Variants in ANXA5 observed in about 807,000 individuals in gnomAD.
ANXA5 encodes annexin A5, also known as CBP-I.
ANXA5 carries 40 observed loss-of-function variants against 48.1 expected under a neutral mutation model. The ratio of observed to expected loss-of-function variants is 0.83; its 90% confidence interval spans 0.65 to 1.08. ANXA5 has a LOEUF of 1.08. ANXA5 is among the 50% of genes least tolerant of loss of function. The probability of loss-of-function intolerance (pLI) is 0.00; values close to 1 mark genes in which losing one functional copy is unlikely to be tolerated. For missense variants in ANXA5, 357 were observed against 376.8 expected (o/e 0.95, Z 0.44); for synonymous variants, 113 against 129.1 (o/e 0.88, Z 0.85).
intron 3 of ANXA5, among the ~76,000 whole-genome samples, chr4:121,685,061 C>CATAT: frequency 6.8e-6 from 1 of 147,060 alleles, no homozygotes; most frequent in African/African-American, 2.5e-5. Context: ...TACACACACA[C>CATAT]ATATATATAT....
At chr4:121,680,098 CTA>C (rs1300828771) in intron 6 of ANXA5, among the ~76,000 whole-genome samples, 1 of 152,134 alleles carries the variant, frequency 6.6e-6, no homozygotes, top group Non-Finnish European at 1.5e-5. Context: ...CTATCTGTTT[CTA>C]TGAGTTCAAT....
chr4:121,687,451 C>G (rs17384348), intron 2 of ANXA5, among the ~76,000 whole-genome samples: 5,709 of 152,242 alleles, frequency 0.037, 163 homozygotes, highest in South Asian at 0.12. Flanking sequence ...CCTCAAAACT[C>G]CTGCTTAGGT....
At chr4:121,675,808 C>T (rs1724686944) in intron 8 of ANXA5, among the ~76,000 whole-genome samples, 1 of 152,200 alleles carries the variant, frequency 6.6e-6, no homozygotes, top group African/African-American at 2.4e-5. Context: ...TCAGAATCTG[C>T]AATTAAAGGT....
chr4:121,670,500 T>A (rs1435383560), intron 10 of ANXA5, among the ~76,000 whole-genome samples: 2 of 152,154 alleles, frequency 1.3e-5, no homozygotes, highest in Non-Finnish European at 2.9e-5. Context: ...CAGAGCAGCA[T>A]GAGATTTATC....
At chr4:121,672,495 A>T in intron 9 of ANXA5, 38 bp downstream of exon 9, 1 of 1,466,612 alleles carries the variant, frequency 6.8e-7, no homozygotes, top group Non-Finnish European at 9.5e-7. Context: ...TTCCAAATTT[A>T]CCAATGTATC....
intron 2 of ANXA5, among the ~76,000 whole-genome samples, chr4:121,689,033 C>T (rs1724938303): frequency 6.6e-6 from 1 of 152,158 alleles, no homozygotes; most frequent in Non-Finnish European, 1.5e-5. Flanking sequence ...CCCTGCCATT[C>T]ATTCGATACC....
chr4:121,670,807 A>G (rs1457408965), intron 10 of ANXA5, among the ~76,000 whole-genome samples: 1 of 152,190 alleles, frequency 6.6e-6, no homozygotes, highest in African/African-American at 2.4e-5. Flanking sequence ...TTAACTGTGT[A>G]CTCAAGTGAA....
intron 2 of ANXA5, among the ~76,000 whole-genome samples, chr4:121,687,124 G>A (rs900666581): frequency 6.6e-6 from 1 of 151,896 alleles, no homozygotes; most frequent in Non-Finnish European, 1.5e-5. Context: ...TGGCTAACAC[G>A]TTGAAACCCC....
intron 5 of ANXA5, 38 bp from the exon 6 acceptor site, chr4:121,681,799 G>T: frequency 7.0e-7 from 1 of 1,432,962 alleles, no homozygotes; most frequent in Non-Finnish European, 9.8e-7. Flanking sequence ...ATGTCAATAA[G>T]ATTAAAAAGA....
rs1315186328 is a variant in ANXA5 at position 121,671,522 on chromosome 4, T to C, written c.721+25A>G. The stretch of plus-strand genomic sequence containing the variant: ...ATGCTTTAGCTCTTACCACCAAAAA[T>C]ATCAATACATTGTAAATCACCTACC... On this transcript the variant is annotated intron_variant, in intron 10 of 12. Transcript: ENST00000296511. 6 of 1,555,942 alleles carry C rather than the reference T, an allele frequency of 3.9e-6. No individual in the cohort carries two copies. In the Admixed American group the frequency reaches 8.3e-5, roughly 22 times the overall value.
At position 121,668,336 on chromosome 4, in the gene ANXA5, G is replaced by T; in HGVS notation, c.*132C>A. 1 of 731,026 alleles carries T rather than the reference G, an allele frequency of 1.4e-6. No individual in the cohort carries two copies. The highest frequency in any genetic ancestry group is 2.4e-6 in the Non-Finnish European group (1 of 416,248). 45.3% of individuals were successfully genotyped at this position (731,026 alleles called of 1,614,324 possible). A position where few individuals can be genotyped will look rare whatever the true frequency, so the allele number is the denominator to read the frequency against. On this transcript the variant is annotated 3_prime_UTR_variant, in exon 13 of 13. Transcript: ENST00000296511. The stretch of plus-strand genomic sequence containing the variant: ...CACTATTTTCTTCTATGACGTGTAT[G>T]TGTTGGTCATGAGCATGCTAGTATG...
At chr4:121,675,081 C>T (rs988443707) in intron 8 of ANXA5, among the ~76,000 whole-genome samples, 1 of 152,230 alleles carries the variant, frequency 6.6e-6, no homozygotes, top group East Asian at 1.9e-4. Flanking sequence ...ACTTCTCCTT[C>T]TCCCTCTTTC....
At position 121,672,616 on chromosome 4, in the gene ANXA5, T is replaced by C; in HGVS notation, c.542A>G (p.Gln181Arg). ...TGTCCCCCATTTAAGTTCTCCAGCC[T>C]GAAATAAAGCCTGCAAAAATTTCAA... ...QVEQDAQALF[Q>R]AGELKWGTDE... is the part of the protein sequence containing the mutation. Residue 181 changes from glutamine (Q) to arginine (R), a missense_variant, in exon 9 of 13, where the codon CAG (glutamine) becomes CGG (arginine). By Grantham distance (43) the Gln-to-Arg change is conservative. Transcript: ENST00000296511. 1.9e-6 allele frequency: 3 copies of C among 1,613,344 alleles called. No homozygotes were observed. Among genetic ancestry groups the C allele is most frequent in the Non-Finnish European group, 2.5e-6 (3 of 1,179,474 alleles).
chr4:121,681,641 G>A (rs748005066), intron 6 of ANXA5, 30 bp downstream of exon 6: 4 of 1,477,614 alleles, frequency 2.7e-6, no homozygotes, highest in Non-Finnish European at 3.8e-6. Flanking sequence ...TAGTGGAGGT[G>A]AAGTCAAAAT....
chr4:121,674,197 G>A (rs369988270), intron 8 of ANXA5, among the ~76,000 whole-genome samples: 109 of 120,378 alleles, frequency 9.1e-4, no homozygotes, highest in Non-Finnish European at 1.5e-3. Flanking sequence ...GGGGAGGGGA[G>A]GGGAGGGAGA....
In ANXA5 at chr4:121,694,117, A is replaced by AG. The variant is rs1725035616; in HGVS notation, c.9+2463dup. ...CTATTGTGGGCGGGGGGGAGGGGGG[A>AG]GGGATAGCATTAGGAGATACAGCTA... On this transcript the variant is annotated intron_variant, in intron 2 of 12. Transcript: ENST00000296511. Among the ~76,000 whole-genome samples, 4 of 35,396 alleles carry AG rather than the reference A, an allele frequency of 1.1e-4. No individual in the cohort carries two copies. The South Asian group carries it at 2.3e-3, about 20-fold the overall frequency. 23.2% of individuals were successfully genotyped at this position (35,396 alleles called of 152,430 possible).
rs886294267 is a variant in ANXA5, at chr4:121,678,456, T to C, written c.433A>G (p.Thr145Ala). 6.2e-7 allele frequency: 1 copy of C among 1,613,812 alleles called. No homozygotes were observed. Among genetic ancestry groups the C allele is most frequent in the South Asian group, 1.1e-5 (1 of 91,010 alleles). The part of the protein sequence containing the change: ...SSLEDDVVGD[T>A]SGYYQRMLVV... The stretch of plus-strand genomic sequence containing the variant: ...AACATCCGCTGGTAGTACCCTGAAG[T>C]GTCCCCCACCACGTCATCTTCCAGG... The change falls in exon 7 of 13, where the codon ACT becomes GCT. Residue 145 changes from threonine to alanine, a missense_variant. Coordinates refer to ENST00000296511, the MANE Select transcript of ANXA5 (RefSeq NM_001154.4).
At chr4:121,669,766 A>C in intron 11 of ANXA5, 42 bp from the exon 12 acceptor site, 2 of 1,580,798 alleles carry the variant, frequency 1.3e-6, no homozygotes, top group South Asian at 1.2e-5. Context: ...ATGCTTAAAA[A>C]CTTCAAACAT....
chr4:121,696,070 G>A (rs1725075239), intron 2 of ANXA5, among the ~76,000 whole-genome samples: 1 of 150,954 alleles, frequency 6.6e-6, no homozygotes, highest in South Asian at 2.1e-4. Context: ...CAGAGCCTAC[G>A]TCCTACAGTT....
Sources: allele counts gnomAD v4.1 joint callset (sites outside exome capture counted in the v4.1 genomes callset), GRCh38; gene constraint gnomAD v4.1.1; transcripts MANE v1.5; gene names NCBI Gene and HGNC (gene_info 2026-07-23, HGNC 2026-07-21).